The following TBCK variants were observed in gnomAD, a reference collection of about 807,000 sequenced individuals.
TBCK encodes the protein TBC domain-containing protein kinase-like protein.
Under a neutral mutation model 113.4 loss-of-function variants are expected in TBCK, and 99 were observed. The ratio of observed to expected loss-of-function variants is 0.87; its 90% confidence interval spans 0.74 to 1.03. The LOEUF is 1.03. Among genes scored for constraint, TBCK ranks in the 50% least tolerant of loss-of-function variants. TBCK has a pLI of 0.00. For synonymous variants in TBCK, 369 were observed against 370.8 expected (o/e 1.00, Z 0.05); for missense variants, 1,045 against 1,061.3 (o/e 0.98, Z 0.21).
In TBCK at chr4:106,178,910, G is replaced by T. The variant is rs560254420; in HGVS notation, c.2060-7640C>A. 5.9e-5 allele frequency among the ~76,000 whole-genome samples: 9 copies of T among 151,788 alleles called. No individual in the cohort carries two copies. In the South Asian group the frequency reaches 1.9e-3, roughly 32 times the overall value. ...CTTTTTTATTACAGCTGCTTATCTT[G>T]TTATTAATTGTTGATCTGTTCAGGT... On this transcript the variant is annotated intron_variant, in intron 22 of 25. Transcript: ENST00000394708.
At chr4:106,265,098 A>C (rs7667719) in intron 3 of TBCK, among the ~76,000 whole-genome samples, 28,287 of 151,846 alleles carry the variant, frequency 0.19, 2,656 homozygotes, top group South Asian at 0.25. Flanking sequence ...TTAAGCATGT[A>C]CTTTCAATCT....
In TBCK at chr4:106,043,065, G is replaced by A. The variant is rs540030033; in HGVS notation, c.*3505C>T. 2 of 152,164 alleles carry A rather than the reference G, an allele frequency of 1.3e-5. No homozygotes were observed. Among genetic ancestry groups the A allele is most frequent in the East Asian group, 3.9e-4 (2 of 5,186 alleles). The allele number at this position is 152,164 out of a possible 1,614,324, so 9.4% of individuals were successfully genotyped here. The stretch of plus-strand genomic sequence containing the variant: ...TGTATTCCAAAACCTGAGTTCTTGG[G>A]GCTTATATTGATACTGGGTATCCCA... On this transcript the variant is annotated 3_prime_UTR_variant, in exon 26 of 26. Coordinates refer to ENST00000394708, the MANE Select transcript of TBCK (RefSeq NM_001163435.3).
chr4:106,104,889 C>T (rs1381427967), intron 24 of TBCK, among the ~76,000 whole-genome samples: 2 of 152,236 alleles, frequency 1.3e-5, no homozygotes, highest in Non-Finnish European at 2.9e-5. Context: ...GGGCCCCAAG[C>T]ATACTGCAGC....
chr4:106,258,322 C>T (rs1762195733), intron 5 of TBCK, among the ~76,000 whole-genome samples: 1 of 152,034 alleles, frequency 6.6e-6, no homozygotes, highest in Non-Finnish European at 1.5e-5. Context: ...CAACTCTTTA[C>T]AGTATTTTGA....
chr4:106,113,005 A>C (rs1030088298), intron 24 of TBCK, among the ~76,000 whole-genome samples: 1 of 152,254 alleles, frequency 6.6e-6, no homozygotes, highest in Non-Finnish European at 1.5e-5. Flanking sequence ...ACCATGTTAC[A>C]CATGTGCCTG....
At chr4:106,296,690 G>A (rs1766344144) in intron 2 of TBCK, among the ~76,000 whole-genome samples, 1 of 152,050 alleles carries the variant, frequency 6.6e-6, no homozygotes. Flanking sequence ...AATGCTATAA[G>A]TGAATATTAT....
chr4:106,249,867 A>G (rs1173610962), intron 7 of TBCK, among the ~76,000 whole-genome samples: 1 of 152,150 alleles, frequency 6.6e-6, no homozygotes, highest in Non-Finnish European at 1.5e-5. Context: ...TCTTTTGCAT[A>G]AAGTGTTCTA....
intron 25 of TBCK, among the ~76,000 whole-genome samples, chr4:106,072,813 C>G (rs577434440): frequency 5.3e-5 from 8 of 152,170 alleles, no homozygotes; most frequent in African/African-American, 1.4e-4. Flanking sequence ...TCTTTTTTCT[C>G]TAAACTTCTC....
chr4:106,048,828 C>T (rs1320743614), intron 25 of TBCK, among the ~76,000 whole-genome samples: 2 of 152,062 alleles, frequency 1.3e-5, no homozygotes. Context: ...GTAAGGAAGT[C>T]CCTAACAACC....
intron 25 of TBCK, among the ~76,000 whole-genome samples, chr4:106,061,438 C>T (rs376004326): frequency 6.3e-5 from 9 of 142,022 alleles, no homozygotes; most frequent in African/African-American, 1.5e-4. Flanking sequence ...TGTTAGCATA[C>T]TTTTTTTTTT....
chr4:106,222,674 T>A (rs1458860657), intron 19 of TBCK, among the ~76,000 whole-genome samples: 1 of 152,168 alleles, frequency 6.6e-6, no homozygotes, highest in African/African-American at 2.4e-5. Flanking sequence ...TTGGGAGTTA[T>A]GTATCTGTTG....
chr4:106,186,804 A>G (rs758902914), intron 22 of TBCK, among the ~76,000 whole-genome samples: 1 of 151,986 alleles, frequency 6.6e-6, no homozygotes, highest in African/African-American at 2.4e-5. Flanking sequence ...AGTCATAAAT[A>G]CTTTCCCAAG....
intron 23 of TBCK, among the ~76,000 whole-genome samples, chr4:106,162,628 T>A (rs1579090426): frequency 6.6e-6 from 1 of 152,314 alleles, no homozygotes; most frequent in East Asian, 1.9e-4. Flanking sequence ...GATTTTTGAC[T>A]TCTATGCACC....
At chr4:106,269,360 G>A (rs1326225318) in intron 3 of TBCK, among the ~76,000 whole-genome samples, 2 of 152,080 alleles carry the variant, frequency 1.3e-5, no homozygotes, top group Non-Finnish European at 2.9e-5. Context: ...AATTTGGGGA[G>A]GGTGTTTCCA....
chr4:106,202,176 C>T (rs1754961462), intron 20 of TBCK, among the ~76,000 whole-genome samples: 2 of 34,288 alleles, frequency 5.8e-5, no homozygotes, highest in Admixed American at 4.3e-4. Context: ...ACAAAAGATA[C>T]ACACTTTTTT....
chr4:106,092,196 G>A (rs1740345100), intron 25 of TBCK, among the ~76,000 whole-genome samples: 2 of 152,156 alleles, frequency 1.3e-5, no homozygotes, highest in African/African-American at 4.8e-5. Context: ...CACAAACCCT[G>A]AGCTAGACAC....
intron 23 of TBCK, among the ~76,000 whole-genome samples, chr4:106,126,575 G>A (rs141455214): frequency 5.8e-4 from 89 of 152,210 alleles, no homozygotes; most frequent in Middle Eastern, 3.4e-3. Flanking sequence ...GAGGTTCCAC[G>A]TGTTTTCATA....
At chr4:106,088,345 T>C (rs924756431) in intron 25 of TBCK, among the ~76,000 whole-genome samples, 1 of 151,974 alleles carries the variant, frequency 6.6e-6, no homozygotes, top group Non-Finnish European at 1.5e-5. Context: ...TCAACAAACA[T>C]GAAAAAAAGC....
chr4:106,043,606 G>A lies in TBCK; in HGVS notation c.*2964C>T, dbSNP rs183004955. The A allele has an allele frequency of 6.6e-6, 1 of 152,298 alleles. No homozygotes were observed. Among genetic ancestry groups the A allele is most frequent in the African/African-American group, 2.4e-5 (1 of 41,566 alleles). 9.4% of individuals were successfully genotyped at this position (152,298 alleles called of 1,614,324 possible). On this transcript the variant is annotated 3_prime_UTR_variant, in exon 26 of 26. Coordinates refer to ENST00000394708, the MANE Select transcript of TBCK (RefSeq NM_001163435.3). ...AAATGATGTAATAAATCTATTATTA[G>A]TAAATTATGAATGGAATGCTTTAGT...
Sources: allele counts gnomAD v4.1 joint callset (sites outside exome capture counted in the v4.1 genomes callset), GRCh38; gene constraint gnomAD v4.1.1; transcripts MANE v1.5; gene names NCBI Gene and HGNC (gene_info 2026-07-23, HGNC 2026-07-21).